The following ADGRV1 variants were observed in gnomAD, a reference collection of about 807,000 sequenced individuals.
ADGRV1 encodes the protein G-protein coupled receptor 98.
ADGRV1 carries 359 observed loss-of-function variants against 596.2 expected under a neutral mutation model. The ratio of observed to expected loss-of-function variants is 0.60; its 90% CI spans 0.55 to 0.66. ADGRV1 has a LOEUF of 0.66. Ranked by LOEUF, ADGRV1 falls within the 30% of genes least tolerant of loss-of-function variation. The pLI is 0.00. For missense variants in ADGRV1, 7,274 were observed against 7,575.6 expected, an observed-to-expected ratio of 0.96 and a Z score of 1.48; for synonymous variants, 2,681 against 2,679.2, an observed-to-expected ratio of 1.00 and a Z score of -0.02.
At chr5:90,560,900 G>T (rs578183638) in intron 1 of ADGRV1, among the ~76,000 whole-genome samples, 1 of 152,272 alleles carries the variant, frequency 6.6e-6, no homozygotes, top group Admixed American at 6.5e-5. Context: ...CTGGTATTAA[G>T]TATGTCAGAT....
At chr5:90,772,321 G>A (rs1757780021) in intron 59 of ADGRV1, among the ~76,000 whole-genome samples, 1 of 152,164 alleles carries the variant, frequency 6.6e-6, no homozygotes, top group Non-Finnish European at 1.5e-5. Context: ...GGTTGAAGAA[G>A]CCAACACCTT....
intron 85 of ADGRV1, among the ~76,000 whole-genome samples, chr5:91,016,005 A>C (rs1048885909): frequency 1.3e-5 from 2 of 151,850 alleles, no homozygotes; most frequent in Non-Finnish European, 2.9e-5. Flanking sequence ...AGCTGGTAAC[A>C]GTCTTTCTCT....
At chr5:90,589,865 A>C (rs1252119858) in intron 1 of ADGRV1, among the ~76,000 whole-genome samples, 1 of 152,162 alleles carries the variant, frequency 6.6e-6, no homozygotes, top group African/African-American at 2.4e-5. Context: ...ATAGAAAAGC[A>C]CAAAGAAACA....
At chr5:90,720,773 C>T (rs1165229094) in intron 44 of ADGRV1, among the ~76,000 whole-genome samples, 162 bp from the exon 45 acceptor site, 1 of 152,090 alleles carries the variant, frequency 6.6e-6, no homozygotes, top group Non-Finnish European at 1.5e-5. Context: ...ATATAGAGTG[C>T]AAAGTTACTG....
chr5:90,888,099 G>T (rs1770470280), intron 83 of ADGRV1, among the ~76,000 whole-genome samples: 1 of 152,110 alleles, frequency 6.6e-6, no homozygotes, highest in African/African-American at 2.4e-5. Context: ...ATATTGTCCT[G>T]TTCTGTTAAA....
chr5:90,755,774 C>T (rs2438347), intron 55 of ADGRV1, among the ~76,000 whole-genome samples: 56,436 of 148,428 alleles, frequency 0.38, 11,633 homozygotes, highest in Admixed American at 0.54. Context: ...AAAATAATAA[C>T]AAAATGTTGT....
intron 5 of ADGRV1, 38 bp from the exon 6 acceptor site, chr5:90,625,092 T>A: frequency 8.2e-7 from 1 of 1,217,752 alleles, no homozygotes; most frequent in Non-Finnish European, 1.2e-6. Context: ...TTGTGAAGTA[T>A]TTTGCATTTA....
intron 53 of ADGRV1, among the ~76,000 whole-genome samples, chr5:90,751,656 A>T (rs1318357082): frequency 1.3e-5 from 2 of 152,150 alleles, no homozygotes; most frequent in Non-Finnish European, 2.9e-5. Flanking sequence ...TTGGTTTCAT[A>T]GATTAGTCTG....
chr5:90,893,133 G>T (rs570225076), intron 83 of ADGRV1, among the ~76,000 whole-genome samples: 2 of 152,138 alleles, frequency 1.3e-5, no homozygotes, highest in Non-Finnish European at 2.9e-5. Context: ...TATCAGTGAG[G>T]AATGAAGTTA....
chr5:91,045,560 T>C (rs1302073593), intron 85 of ADGRV1, among the ~76,000 whole-genome samples: 1 of 152,154 alleles, frequency 6.6e-6, no homozygotes, highest in African/African-American at 2.4e-5. Context: ...AAGCCATCTA[T>C]GACAAACCCA....
At position 90,745,200 on chromosome 5, in the gene ADGRV1, A is replaced by G; in HGVS notation, c.10704A>G (p.Leu3568=). Residue 3568 remains leucine (L), a synonymous_variant, in exon 51 of 90, where the codon CTA becomes CTG. Coordinates refer to ENST00000405460, the MANE Select transcript of ADGRV1 (RefSeq NM_032119.4). The part of the protein sequence containing the change: ...SLNSSKNLIA[L]VGAHSHIYEL... ...ATTCAAGCAAGAATTTAATAGCTCT[A>G]GTGGGAGCTCATTCACATATATATG... is the stretch of plus-strand genomic sequence containing the variant. 1 of 1,612,296 alleles carries G rather than the reference A, an allele frequency of 6.2e-7. No individual in the cohort carries two copies. The highest frequency in any genetic ancestry group is 8.5e-7 in the Non-Finnish European group (1 of 1,179,398).
intron 50 of ADGRV1, among the ~76,000 whole-genome samples, chr5:90,740,889 A>G (rs1391169500): frequency 6.6e-6 from 1 of 152,146 alleles, no homozygotes; most frequent in Non-Finnish European, 1.5e-5. Context: ...ATAGTCAAAG[A>G]GAAACTGTTC....
rs1366796557 is a variant in ADGRV1, at chr5:90,759,447, T to C, written c.11979T>C (p.Ala3993=). The C allele has an allele frequency of 2.5e-6, 4 of 1,584,248 alleles. No homozygotes were observed. The highest frequency in any genetic ancestry group is 2.6e-6 in the Non-Finnish European group (3 of 1,163,492). Residue 3993 remains alanine, a synonymous_variant, in exon 58 of 90, where the codon GCT becomes GCC. Coordinates refer to ENST00000405460, the MANE Select transcript of ADGRV1 (RefSeq NM_032119.4). ...TAGAAATCACCATAATTGATGATGC[T>C]GAATTTGAATTGACAGAGACGTTCA... is the stretch of plus-strand genomic sequence containing the variant. The part of the protein sequence containing the change: ...AMIEITIIDD[A]EFELTETFNI...
chr5:90,773,388 C>T (rs1048437436), intron 59 of ADGRV1, among the ~76,000 whole-genome samples: 1 of 151,546 alleles, frequency 6.6e-6, no homozygotes, highest in East Asian at 1.9e-4. Flanking sequence ...ATGCTGTTGA[C>T]CGAAGTAGGA....
chr5:90,641,327 A>G (rs968444199), intron 11 of ADGRV1, among the ~76,000 whole-genome samples: 1 of 152,212 alleles, frequency 6.6e-6, no homozygotes, highest in Non-Finnish European at 1.5e-5. Flanking sequence ...TTTATTGCTT[A>G]TATCTCAGAG....
intron 84 of ADGRV1, among the ~76,000 whole-genome samples, chr5:90,981,358 A>C (rs1317613564): frequency 6.6e-6 from 1 of 152,214 alleles, no homozygotes; most frequent in Non-Finnish European, 1.5e-5. Context: ...AACTTTGAAT[A>C]GAATGGGAGG....
rs1286603617 is a variant in ADGRV1, at chr5:90,716,146, CATT to C, written c.9185-314_9185-312del. ...GTTAAATAGTAACAATTATGACAGACATTATTATTTTGTTTCTGTTTTTAGTGG... is the reference window on the plus strand; with the variant it reads ...GTTAAATAGTAACAATTATGACAGACATTATTTTGTTTCTGTTTTTAGTGG... On this transcript the variant is annotated intron_variant, in intron 42 of 89. Transcript: ENST00000405460. Among the ~76,000 whole-genome samples, 9 of 152,230 alleles carry C rather than the reference CATT, an allele frequency of 5.9e-5. 1 individual carries two copies. The highest frequency in any genetic ancestry group is 3.4e-3 in the Middle Eastern group (1 of 294).
intron 59 of ADGRV1, among the ~76,000 whole-genome samples, chr5:90,766,765 G>A (rs1051942465): frequency 6.6e-6 from 1 of 152,120 alleles, no homozygotes; most frequent in Non-Finnish European, 1.5e-5. Flanking sequence ...GACATTTACA[G>A]ATCTGTTTCT....
In ADGRV1 at chr5:90,612,948, T is replaced by C. The variant is rs190085228; in HGVS notation, c.23-1887T>C. ...AGAATTAATAGGGCTACTTGTTAAA[T>C]GCATATTCCTGGTCCTCACTTTAGA... is the stretch of plus-strand genomic sequence containing the variant. On this transcript the variant is annotated intron_variant, in intron 1 of 89. Coordinates refer to ENST00000405460, the MANE Select transcript of ADGRV1 (RefSeq NM_032119.4). Among the ~76,000 whole-genome samples the C allele has an allele frequency of 5.0e-4, 76 of 152,190 alleles. No individual in the cohort carries two copies. In the Middle Eastern group the frequency reaches 0.01, roughly 20 times the overall value.
Sources: allele counts gnomAD v4.1 joint callset (sites outside exome capture counted in the v4.1 genomes callset), GRCh38; gene constraint gnomAD v4.1.1; transcripts MANE v1.5; gene names NCBI Gene and HGNC (gene_info 2026-07-23, HGNC 2026-07-21).